Variants in GNPDA1 observed in about 807,000 individuals in gnomAD.
The protein encoded by GNPDA1 is glucosamine-6-phosphate deaminase 1, also known as GNPDA 1.
A neutral mutation model predicts 28.5 loss-of-function variants in GNPDA1; 24 were observed. The ratio of observed to expected loss-of-function variants is 0.84; its 90% confidence interval spans 0.61 to 1.19. The LOEUF (loss-of-function observed/expected upper bound fraction) is 1.19, where lower values mean the gene tolerates loss of function less well. Ranked by LOEUF, GNPDA1 falls within the 50% of genes most tolerant of loss-of-function variation. The pLI is 0.00. For synonymous variants in GNPDA1, 147 were observed against 139.3 expected (o/e 1.06, Z -0.39); for missense variants, 264 against 367.3 (o/e 0.72, Z 2.30).
At chr5:142,006,053 A>T in intron 4 of GNPDA1, 91 bp downstream of exon 4, 1 of 1,082,516 alleles carries the variant, frequency 9.2e-7, no homozygotes, top group South Asian at 1.5e-5. Flanking sequence ...TAGCACACCC[A>T]GAAGAAGCTG....
chr5:142,010,379 A>G (rs1475613678), intron 2 of GNPDA1, among the ~76,000 whole-genome samples: 1 of 152,012 alleles, frequency 6.6e-6, no homozygotes, highest in Non-Finnish European at 1.5e-5. Flanking sequence ...GGCTGGTCTC[A>G]AATTCCTGAC....
chr5:142,012,789 A>C (rs1286018550), intron 1 of GNPDA1: 1 of 577,382 alleles, frequency 1.7e-6, no homozygotes, highest in East Asian at 1.4e-4. Flanking sequence ...AGTGTGAAGG[A>C]AAGAGGCGAA....
At chr5:142,012,089 C>T (rs1755973804) in intron 1 of GNPDA1, 48 bp from the exon 2 acceptor site, 5 of 1,544,054 alleles carry the variant, frequency 3.2e-6, no homozygotes, top group African/African-American at 2.7e-5. Context: ...TGGTAAGGGG[C>T]AGAGAAAGAG....
rs1482798673 is a variant in GNPDA1, at chr5:142,011,772, A to T, written c.124+140T>A. 3.5e-6 allele frequency: 3 copies of T among 846,314 alleles called. No homozygotes were observed. The African/African-American group carries it at 5.0e-5, about 14-fold the overall frequency. 52.4% of individuals were successfully genotyped at this position (846,314 alleles called of 1,614,324 possible). A position where few individuals can be genotyped will look rare whatever the true frequency, so the allele number is the denominator to read the frequency against. Reference sequence around the variant, plus strand: ...GGAAGCTGGGTCCTTTGTATGTGGAAGGGGCAGGAAGGTGCTCTCTCAGCA... The same window carrying T: ...GGAAGCTGGGTCCTTTGTATGTGGATGGGGCAGGAAGGTGCTCTCTCAGCA... On this transcript the variant is annotated intron_variant, in intron 2 of 6. Coordinates refer to ENST00000311337, the MANE Select transcript of GNPDA1 (RefSeq NM_005471.5).
chr5:142,002,238 T>C, intron 6 of GNPDA1, 109 bp from the exon 7 acceptor site: 2 of 611,680 alleles, frequency 3.3e-6, no homozygotes. Flanking sequence ...GAGCTGACAC[T>C]TCTCTCTTTT....
chr5:142,012,581 G>C (rs1399350092), intron 1 of GNPDA1: 5 of 164,282 alleles, frequency 3.0e-5, no homozygotes, highest in African/African-American at 9.6e-5. Context: ...GATCATGCTG[G>C]GCCACTAGAG....
At chr5:142,011,579 T>G (rs1201703766) in intron 2 of GNPDA1, among the ~76,000 whole-genome samples, 2 of 152,208 alleles carry the variant, frequency 1.3e-5, no homozygotes, top group Non-Finnish European at 2.9e-5. Flanking sequence ...AATTAATTCA[T>G]TACATAAAAT....
rs1291177122 is a variant in GNPDA1, at chr5:142,002,147, C to A, written c.770-18G>T. The A allele has an allele frequency of 3.0e-6, 4 of 1,332,956 alleles. No homozygotes were observed. In the Admixed American group the frequency reaches 5.3e-5, roughly 18 times the overall value. The allele number at this position is 1,332,956 out of a possible 1,614,324, so 82.6% of individuals were successfully genotyped here. On this transcript the variant is annotated intron_variant, in intron 6 of 6. Transcript: ENST00000311337. ...CATTAAACCTACAAAAAATTAAAAA[C>A]AAAAAGTAGTTAATTCAGGCAGTGG...
chr5:142,006,078 T>C (rs891345769), intron 4 of GNPDA1, 66 bp downstream of exon 4: 2 of 1,324,202 alleles, frequency 1.5e-6, no homozygotes, highest in Admixed American at 1.8e-5. Flanking sequence ...CAGACAGGCA[T>C]TGTGTCTTGT....
In GNPDA1 at chr5:142,006,147, C is replaced by T; in HGVS notation, c.406G>A (p.Gly136Arg). ...KAAGGIELFV[G>R]GIGPDGHIAF... Reference sequence around the variant, plus strand: ...TGCTGCAGAGTGTCAAGCTCACCTCCAACAAATAGCTCGATCCCACCTGCA... The same window carrying T: ...TGCTGCAGAGTGTCAAGCTCACCTCTAACAAATAGCTCGATCCCACCTGCA... The change falls in exon 4 of 7, where the codon GGA (glycine) becomes AGA (arginine). Residue 136 changes from glycine (G) to arginine (R), a missense_variant. By Grantham distance (125) the Gly-to-Arg change is moderately radical (BLOSUM62 -2). Coordinates refer to ENST00000311337, the MANE Select transcript of GNPDA1 (RefSeq NM_005471.5). The T allele has an allele frequency of 6.2e-7, 1 of 1,611,736 alleles. No homozygotes were observed. The highest frequency in any genetic ancestry group is 8.5e-7 in the Non-Finnish European group (1 of 1,178,380).
intron 2 of GNPDA1, among the ~76,000 whole-genome samples, chr5:142,008,632 C>A (rs896303768): frequency 1.3e-5 from 2 of 151,880 alleles, no homozygotes; most frequent in Admixed American, 6.6e-5. Context: ...GAGGCTGAGG[C>A]ACAAGAATCA....
intron 2 of GNPDA1, among the ~76,000 whole-genome samples, chr5:142,008,780 G>C (rs1755869251): frequency 1.3e-5 from 2 of 151,588 alleles, no homozygotes; most frequent in African/African-American, 4.8e-5. Flanking sequence ...AAAGGTAGGA[G>C]GACACTGTAT....
chr5:142,002,534 C>T (rs556790686), intron 6 of GNPDA1, among the ~76,000 whole-genome samples: 40 of 152,268 alleles, frequency 2.6e-4, no homozygotes, highest in African/African-American at 8.4e-4. Flanking sequence ...GGGTGGATCA[C>T]CTGAGGTCAG....
At chr5:142,010,458 C>G (rs983710203) in intron 2 of GNPDA1, among the ~76,000 whole-genome samples, 5 of 151,952 alleles carry the variant, frequency 3.3e-5, no homozygotes, top group Non-Finnish European at 5.9e-5. Flanking sequence ...CACACCCGGC[C>G]CTGTGGCCTG....
At chr5:142,012,065 C>T (rs762407397) in intron 1 of GNPDA1, 24 bp from the exon 2 acceptor site, 8 of 1,571,706 alleles carry the variant, frequency 5.1e-6, no homozygotes, top group Non-Finnish European at 7.0e-6. Flanking sequence ...GAGGGGATGA[C>T]AGAAAGGAAT....
chr5:142,001,998 A>G lies in GNPDA1; in HGVS notation c.*31T>C. ...TTTCCAGAAAGACCTGCCTTTCCCT[A>G]TGGGTACTTGACACTAGGTCCCAGC... On this transcript the variant is annotated 3_prime_UTR_variant, in exon 7 of 7. Coordinates refer to ENST00000311337, the MANE Select transcript of GNPDA1 (RefSeq NM_005471.5). 9.2e-7 allele frequency: 1 copy of G among 1,085,236 alleles called. No homozygotes were observed. The highest frequency in any genetic ancestry group is 1.4e-6 in the Non-Finnish European group (1 of 711,072). The allele number at this position is 1,085,236 out of a possible 1,614,324, so 67.2% of individuals were successfully genotyped here.
intron 3 of GNPDA1, among the ~76,000 whole-genome samples, 154 bp from the exon 4 acceptor site, chr5:142,006,480 C>A (rs931304460): frequency 6.6e-6 from 1 of 152,164 alleles, no homozygotes; most frequent in South Asian, 2.1e-4. Flanking sequence ...CCTAGCCACT[C>A]GGCACAGGCT....
At chr5:142,012,424 A>C (rs1281389705) in intron 1 of GNPDA1, 1 of 161,116 alleles carries the variant, frequency 6.2e-6, no homozygotes, top group Non-Finnish European at 1.4e-5. Flanking sequence ...TAAACAACTT[A>C]GTATTTTCTA....
Position 142,007,926 on chromosome 5 carries a change from C to T in GNPDA1, c.125-26G>A, listed in dbSNP as rs766727108. The stretch of plus-strand genomic sequence containing the variant: ...CTGCAAGAGTGGCCACACCCATGAA[C>T]ACCCCTTGCACCCCAAGTCTGGAAG... On this transcript the variant is annotated intron_variant, in intron 2 of 6. Coordinates refer to ENST00000311337, the MANE Select transcript of GNPDA1 (RefSeq NM_005471.5). The T allele has an allele frequency of 2.4e-6, 3 of 1,256,500 alleles. No homozygotes were observed. The African/African-American group carries it at 4.4e-5, about 18-fold the overall frequency. 77.8% of individuals were successfully genotyped at this position (1,256,500 alleles called of 1,614,324 possible). A position where few individuals can be genotyped will look rare whatever the true frequency, so the allele number is the denominator to read the frequency against.
Sources: gnomAD v4.1 joint callset for allele counts (sites outside exome capture counted in the v4.1 genomes callset) on GRCh38, gnomAD v4.1.1 for gene constraint, MANE v1.5 for transcripts, NCBI Gene and HGNC (gene_info 2026-07-23, HGNC 2026-07-21) for gene names.